Variants in LVRN observed in about 807,000 individuals in gnomAD.
The protein encoded by LVRN is aminopeptidase Q.
A neutral mutation model predicts 111.4 loss-of-function variants in LVRN; 99 were observed. That is an observed-to-expected ratio of 0.89 (90% CI 0.76 to 1.05). LVRN has a LOEUF of 1.05. Among genes scored for constraint, LVRN ranks in the 50% least tolerant of loss-of-function variants. LVRN has a pLI of 0.00. For missense variants in LVRN, 1,414 were observed against 1,206.8 expected (o/e 1.17, Z -2.54); for synonymous variants, 488 against 449.5 (o/e 1.09, Z -1.08).
chr5:116,016,986 G>A (rs36104350), intron 18 of LVRN, among the ~76,000 whole-genome samples: 8,043 of 152,250 alleles, frequency 0.053, 223 homozygotes, highest in Non-Finnish European at 0.061. Flanking sequence ...ACATCAAGGT[G>A]CAGTTCAAAT....
intron 9 of LVRN, 28 bp from the exon 10 acceptor site, chr5:116,001,039 C>T: frequency 1.3e-6 from 2 of 1,568,364 alleles, no homozygotes; most frequent in Non-Finnish European, 1.7e-6. Context: ...ATAACCTTAC[C>T]TGCCTTTGTG....
At chr5:115,964,649 C>A (rs1753165206) in intron 1 of LVRN, among the ~76,000 whole-genome samples, 1 of 152,002 alleles carries the variant, frequency 6.6e-6, no homozygotes, top group African/African-American at 2.4e-5. Context: ...TGTTCACCTA[C>A]CTCTTCCTTG....
At chr5:115,985,180 T>C (rs747384321) in intron 3 of LVRN, among the ~76,000 whole-genome samples, 2 of 152,082 alleles carry the variant, frequency 1.3e-5, no homozygotes, top group African/African-American at 4.8e-5. Flanking sequence ...ATGGCTGAAA[T>C]GGTGCATGCA....
In LVRN at chr5:116,022,440, G is replaced by A. The variant is rs17138681; in HGVS notation, c.2806G>A (p.Val936Ile). The A allele has an allele frequency of 5.3e-3, 8,231 of 1,558,512 alleles. 310 individuals carry two copies. The African/African-American group carries it at 0.089, about 17-fold the overall frequency. The stretch of plus-strand genomic sequence containing the variant: ...TCTAATATATACAATAGGGAGAACC[G>A]TAACTACAGATTTACAGATTGTGGA... ...INLIYTIGRT[V>I]TTDLQIVELQ... Residue 936 changes from valine (V) to isoleucine (I), a missense_variant, in exon 19 of 20, where the codon GTA becomes ATA. Physicochemically the swap from Val to Ile is conservative, Grantham distance 29. Transcript: ENST00000357872.
chr5:115,971,433 T>A (rs1396182681), intron 1 of LVRN, among the ~76,000 whole-genome samples: 3 of 152,198 alleles, frequency 2.0e-5, no homozygotes, highest in African/African-American at 7.2e-5. Context: ...AACTTTCTTC[T>A]ATGCCTTCTT....
intron 13 of LVRN, 53 bp from the exon 14 acceptor site, chr5:116,010,688 A>G (rs1344486345): frequency 6.4e-7 from 1 of 1,551,552 alleles, no homozygotes; most frequent in African/African-American, 1.4e-5. Context: ...AACGTATGCA[A>G]ATTACTTAGC....
rs1186519175 is a variant in LVRN, at chr5:116,014,483, G to A, written c.2406G>A (p.Leu802=). ...CWLGLEDCLQ[L]SKELFAKWVD... ...TGGGCCTTGAAGACTGCCTTCAGCTGTCAAAAGAACTTTTCGCAAAATGGG... is the reference window on the plus strand; with the variant it reads ...TGGGCCTTGAAGACTGCCTTCAGCTATCAAAAGAACTTTTCGCAAAATGGG... Residue 802 remains leucine (L), a synonymous_variant, in exon 16 of 20, where the codon CTG becomes CTA. Transcript: ENST00000357872. The A allele has an allele frequency of 2.5e-6, 4 of 1,613,494 alleles. No homozygotes were observed. Among genetic ancestry groups the A allele is most frequent in the Admixed American group, 3.3e-5 (2 of 59,972 alleles).
rs1329832417 is a variant in LVRN, at chr5:115,979,243, C to T, written c.696-4044C>T. ...CAGCCATTCTCATGCCTTTTAGATC[C>T]CCACCTGGTAGGAGTTAGACCTTGG... is the stretch of plus-strand genomic sequence containing the variant. On this transcript the variant is annotated intron_variant, in intron 1 of 19. Transcript: ENST00000357872. Among the ~76,000 whole-genome samples, 3 of 152,132 alleles carry T rather than the reference C, an allele frequency of 2.0e-5. No individual in the cohort carries two copies. The East Asian group carries it at 5.8e-4, about 29-fold the overall frequency.
At chr5:115,992,827 T>C (rs1003440464) in intron 5 of LVRN, among the ~76,000 whole-genome samples, 1 of 152,214 alleles carries the variant, frequency 6.6e-6, no homozygotes, top group African/African-American at 2.4e-5. Flanking sequence ...TTTAGAAGTT[T>C]AGCTGTTTAA....
At chr5:115,963,416 C>G in intron 1 of LVRN, 104 bp downstream of exon 1, 1 of 821,520 alleles carries the variant, frequency 1.2e-6, no homozygotes, top group Non-Finnish European at 1.8e-6. Context: ...GTCTGCTGCC[C>G]TTTCCAAAGA....
chr5:115,973,631 G>A (rs1367509571), intron 1 of LVRN, among the ~76,000 whole-genome samples: 1 of 152,144 alleles, frequency 6.6e-6, no homozygotes, highest in Non-Finnish European at 1.5e-5. Context: ...GTAAACTGTG[G>A]CAGTTTGTGT....
At chr5:116,013,231 C>T (rs531572041) in intron 15 of LVRN, among the ~76,000 whole-genome samples, 1 of 152,210 alleles carries the variant, frequency 6.6e-6, no homozygotes, top group Non-Finnish European at 1.5e-5. Flanking sequence ...TAGTACTCTT[C>T]TGGGAGGGCA....
intron 1 of LVRN, among the ~76,000 whole-genome samples, chr5:115,969,267 A>AT (rs1019891452): frequency 3.3e-5 from 5 of 151,132 alleles, no homozygotes; most frequent in South Asian, 2.1e-4. Flanking sequence ...ACCATTATTA[A>AT]TTTTTTTTTC....
Position 116,026,052 on chromosome 5 carries a change from G to C in LVRN, c.2907G>C (p.Lys969Asn). 1 of 1,613,874 alleles carries C rather than the reference G, an allele frequency of 6.2e-7. No individual in the cohort carries two copies. Among genetic ancestry groups the C allele is most frequent in the Admixed American group, 1.7e-5 (1 of 59,982 alleles). ...IRVHANLQTI[K>N]NENLKNKKLS... is the part of the protein sequence containing the mutation. ...TTCATGCCAACTTACAGACAATAAA[G>C]AATGAAAATCTGAAAAACAAGAAGC... Residue 969 changes from lysine (K) to asparagine (N), a missense_variant, in exon 20 of 20, where the codon AAG (lysine) becomes AAC (asparagine). Lys to Asn is a moderately conservative substitution (Grantham distance 94, BLOSUM62 0). Coordinates refer to ENST00000357872, the MANE Select transcript of LVRN (RefSeq NM_173800.5).
At chr5:115,974,904 A>G in intron 1 of LVRN, 1 of 471,256 alleles carries the variant, frequency 2.1e-6, no homozygotes, top group Non-Finnish European at 4.3e-6. Flanking sequence ...CCATGCAGAG[A>G]CTCTACTGAT....
rs745961557 is a variant in LVRN at position 115,987,841 on chromosome 5, T to C, written c.1007T>C (p.Ile336Thr). The C allele has an allele frequency of 2.5e-6, 4 of 1,612,988 alleles. No homozygotes were observed. The highest frequency in any genetic ancestry group is 3.3e-5 in the Admixed American group (2 of 59,848). The change falls in exon 4 of 20, where the codon ATT (isoleucine) becomes ACT (threonine). Residue 336 changes from isoleucine to threonine, a missense_variant. Transcript: ENST00000357872. ...CGCATCTGGGCCCGGAAAGATGCAA[T>C]TGCAAATGGAAGTGCAGACTTTGCT... ...EIRIWARKDA[I>T]ANGSADFALN...
intron 1 of LVRN, among the ~76,000 whole-genome samples, chr5:115,982,823 T>C (rs1226165785): frequency 6.6e-6 from 1 of 152,084 alleles, no homozygotes; most frequent in Non-Finnish European, 1.5e-5. Flanking sequence ...TAAAACTTTT[T>C]GTAAGTTTTT....
chr5:115,981,380 G>T (rs529673946), intron 1 of LVRN, among the ~76,000 whole-genome samples: 1 of 152,062 alleles, frequency 6.6e-6, no homozygotes, highest in African/African-American at 2.4e-5. Context: ...TTACCAGGGC[G>T]ACGAATATGA....
Position 115,979,911 on chromosome 5 carries a change from T to C in LVRN, c.696-3376T>C, listed in dbSNP as rs535603537. Among the ~76,000 whole-genome samples the C allele has an allele frequency of 5.9e-5, 9 of 152,136 alleles. No individual in the cohort carries two copies. The South Asian group carries it at 1.7e-3, about 28-fold the overall frequency. On this transcript the variant is annotated intron_variant, in intron 1 of 19. Coordinates refer to ENST00000357872, the MANE Select transcript of LVRN (RefSeq NM_173800.5). ...GGAATGAAATAGCTTACTGAGTGGA[T>C]GTAGTAGATTTTTGTTTATGTTGTA...
Sources: allele counts gnomAD v4.1 joint callset (sites outside exome capture counted in the v4.1 genomes callset), GRCh38; gene constraint gnomAD v4.1.1; transcripts MANE v1.5; gene names NCBI Gene and HGNC (gene_info 2026-07-23, HGNC 2026-07-21).